Variants in PDXDC1 observed in about 807,000 individuals in gnomAD.
The protein encoded by PDXDC1 is pyridoxal dependent decarboxylase domain containing 1, also known as pyridoxal-dependent decarboxylase domain-containing protein 1.
PDXDC1 carries 42 observed loss-of-function variants against 100.1 expected under a neutral mutation model. The ratio of observed to expected loss-of-function variants is 0.42; its 90% CI spans 0.33 to 0.54. The LOEUF (loss-of-function observed/expected upper bound fraction) is 0.54. Among genes scored for constraint, PDXDC1 ranks in the 20% least tolerant of loss-of-function variants. PDXDC1 has a pLI of 0.10. For synonymous variants in PDXDC1, 260 were observed against 371.7 expected (o/e 0.70, Z 3.46); for missense variants, 636 against 979.2 (o/e 0.65, Z 4.68).
chr16:15,141,477 A>G (rs2048474491), downstream of PDXDC1, among the ~76,000 whole-genome samples: 1 of 152,148 alleles, frequency 6.6e-6, no homozygotes. Flanking sequence ...GATGGAGGGC[A>G]CGGTTGGGGG....
chr16:15,017,578 A>G (rs1324514989), intron 11 of PDXDC1, among the ~76,000 whole-genome samples, 156 bp downstream of exon 11: 4 of 152,406 alleles, frequency 2.6e-5, no homozygotes, highest in South Asian at 2.1e-4. Context: ...ACTTTTTTTA[A>G]TGACATTTTA....
At chr16:15,132,850 C>T (rs367610197) in intron 16 of PDXDC1, 84 of 1,585,404 alleles carry the variant, frequency 5.3e-5, no homozygotes, top group East Asian at 2.0e-4. Flanking sequence ...TGGGCTCTGC[C>T]GCCACGTCCA....
chr16:15,018,247 C>A (rs1429622528), intron 11 of PDXDC1, among the ~76,000 whole-genome samples: 1 of 152,154 alleles, frequency 6.6e-6, no homozygotes, highest in East Asian at 1.9e-4. Context: ...TAAGAAAAAA[C>A]AACAACAAAG....
intron 12 of PDXDC1, among the ~76,000 whole-genome samples, chr16:15,019,601 C>T (rs1459812837): frequency 2.6e-5 from 4 of 152,286 alleles, no homozygotes; most frequent in Admixed American, 2.0e-4. Context: ...GATTCCATGT[C>T]GGGCCCGTTC....
chr16:15,007,059 T>C (rs2040836154), intron 6 of PDXDC1, among the ~76,000 whole-genome samples: 1 of 152,268 alleles, frequency 6.6e-6, no homozygotes, highest in African/African-American at 2.4e-5. Flanking sequence ...TGTTAAGGAC[T>C]TCTCTGTGCA....
chr16:15,084,160 C>T (rs1433317810), intron 16 of PDXDC1, among the ~76,000 whole-genome samples: 1 of 152,154 alleles, frequency 6.6e-6, no homozygotes, highest in Non-Finnish European at 1.5e-5. Flanking sequence ...GCTGACATTT[C>T]CCACTACACA....
At chr16:15,084,662 T>A in intron 16 of PDXDC1, 1 of 1,612,282 alleles carries the variant, frequency 6.2e-7, no homozygotes, top group South Asian at 1.1e-5. Context: ...ATCTTGCTAT[T>A]ATTTGCAAGG....
At chr16:15,024,205 G>A (rs1219699080) in intron 13 of PDXDC1, among the ~76,000 whole-genome samples, 10 of 152,380 alleles carry the variant, frequency 6.6e-5, no homozygotes, top group South Asian at 2.1e-4. Flanking sequence ...ACAATAATTG[G>A]CTAATACCAT....
chr16:14,990,887 T>C (rs1418540020), intron 1 of PDXDC1, among the ~76,000 whole-genome samples: 1 of 152,390 alleles, frequency 6.6e-6, no homozygotes, highest in Non-Finnish European at 1.5e-5. Context: ...ACTACAGGCA[T>C]ACGTGACCAT....
At chr16:15,099,955 G>A (rs901692653) in intron 16 of PDXDC1, among the ~76,000 whole-genome samples, 1 of 152,226 alleles carries the variant, frequency 6.6e-6, no homozygotes, top group Non-Finnish European at 1.5e-5. Flanking sequence ...AGTCAAGCCA[G>A]CTTAAGCAGA....
chr16:15,086,585 A>G, intron 16 of PDXDC1: 1 of 1,351,612 alleles, frequency 7.4e-7, no homozygotes, highest in South Asian at 1.4e-5. Context: ...AAGGAACTCA[A>G]AACTGGGTAT....
chr16:15,023,203 C>T (rs140702892), intron 13 of PDXDC1, among the ~76,000 whole-genome samples: 723 of 152,146 alleles, frequency 4.8e-3, no homozygotes, highest in Middle Eastern at 0.014. Flanking sequence ...AGCAAATGGC[C>T]CTGCTCTTGT....
intron 16 of PDXDC1, among the ~76,000 whole-genome samples, chr16:15,100,480 T>C (rs767329646): frequency 2.0e-5 from 3 of 152,296 alleles, no homozygotes; most frequent in East Asian, 1.9e-4. Flanking sequence ...TTTGGCATCA[T>C]TGAGATTTTG....
intron 4 of PDXDC1, among the ~76,000 whole-genome samples, chr16:15,003,527 C>A (rs1278958456): frequency 1.3e-5 from 2 of 152,204 alleles, no homozygotes; most frequent in South Asian, 2.1e-4. Flanking sequence ...GGATTTAGTT[C>A]TTTAAAAAAT....
At chr16:15,111,615 G>A (rs1160959276) in intron 16 of PDXDC1, among the ~76,000 whole-genome samples, 5 of 146,522 alleles carry the variant, frequency 3.4e-5, no homozygotes, top group Admixed American at 2.0e-4. Context: ...AAAATTAGCT[G>A]AGCATGGTGG....
chr16:15,140,373 G>A (rs1439443660), downstream of PDXDC1, among the ~76,000 whole-genome samples: 1 of 149,734 alleles, frequency 6.7e-6, no homozygotes, highest in Non-Finnish European at 1.5e-5. Context: ...GAACCCGGGA[G>A]GCAGAGGTTG....
At chr16:14,982,761 A>G (rs1303914335) in intron 1 of PDXDC1, among the ~76,000 whole-genome samples, 3 of 152,262 alleles carry the variant, frequency 2.0e-5, no homozygotes, top group Non-Finnish European at 4.4e-5. Context: ...GTGGCTTCTC[A>G]GTGGTATGTA....
At position 15,135,958 on chromosome 16, in the gene PDXDC1, C is replaced by T. The variant is rs1041756272; in HGVS notation, c.1400-2921C>T. The T allele has an allele frequency of 6.7e-5, 105 of 1,575,784 alleles. 1 individual carries two copies. Among genetic ancestry groups the T allele is most frequent in the African/African-American group, 2.2e-4 (16 of 74,378 alleles). On this transcript the variant is annotated intron_variant, in intron 16 of 16. Coordinates refer to the PDXDC1 transcript ENST00000535621. ...CGTCCACGCCGGGCAGGGCCACACGCGCCGGGCACCCCGGCTGGTGGGCCC... is the reference window on the plus strand; with the variant it reads ...CGTCCACGCCGGGCAGGGCCACACGTGCCGGGCACCCCGGCTGGTGGGCCC...
intron 16 of PDXDC1, among the ~76,000 whole-genome samples, chr16:15,097,508 G>A (rs1245173516): frequency 2.0e-5 from 3 of 150,242 alleles, no homozygotes; most frequent in Admixed American, 6.6e-5. Flanking sequence ...CGGGCGTGGT[G>A]GCAGGCACTT....
Sources: gnomAD v4.1 joint callset for allele counts (sites outside exome capture counted in the v4.1 genomes callset) on GRCh38, gnomAD v4.1.1 for gene constraint, MANE v1.5 for transcripts, NCBI Gene and HGNC (gene_info 2026-07-23, HGNC 2026-07-21) for gene names.